Variants in XIRP2 observed in about 807,000 individuals in gnomAD.
XIRP2 encodes xin actin binding repeat containing 2, also known as xin actin-binding repeat-containing protein 2.
XIRP2 carries 236 observed loss-of-function variants against 277.0 expected under a neutral mutation model. The observed-to-expected ratio is 0.85, with a 90% CI of 0.77 to 0.95. The LOEUF (loss-of-function observed/expected upper bound fraction) is 0.95, where lower values mean the gene tolerates loss of function less well. Among genes scored for constraint, XIRP2 ranks in the 40% least tolerant of loss-of-function variants. The probability of loss-of-function intolerance (pLI) is 0.00; values close to 1 mark genes in which losing one functional copy is unlikely to be tolerated. For missense variants in XIRP2, 4,640 were observed against 4,157.5 expected (o/e 1.12, Z -3.19); for synonymous variants, 1,490 against 1,416.5 (o/e 1.05, Z -1.17).
intron 2 of XIRP2, among the ~76,000 whole-genome samples, chr2:167,024,001 T>C (rs1339554582): frequency 6.6e-6 from 1 of 152,182 alleles, no homozygotes; most frequent in African/African-American, 2.4e-5. Flanking sequence ...AGAAAGTCAT[T>C]GGTAGCTTGA....
At chr2:167,093,177 T>C (rs961093077) in intron 2 of XIRP2, among the ~76,000 whole-genome samples, 8 of 151,860 alleles carry the variant, frequency 5.3e-5, no homozygotes, top group Admixed American at 2.0e-4. Context: ...TTAATCAATA[T>C]AATGATAGAA....
intron 10 of XIRP2, among the ~76,000 whole-genome samples, chr2:167,256,089 C>T (rs1166374428): frequency 6.6e-6 from 1 of 151,366 alleles, no homozygotes; most frequent in Non-Finnish European, 1.5e-5. Flanking sequence ...TAGTTCTTGG[C>T]ATTGGTCATT....
chr2:166,974,816 G>A (rs886755897), intron 2 of XIRP2, among the ~76,000 whole-genome samples: 3 of 151,930 alleles, frequency 2.0e-5, no homozygotes, highest in Non-Finnish European at 4.4e-5. Context: ...TATGTAAATG[G>A]ACTAAATATT....
chr2:167,021,760 G>A (rs1421128022), intron 2 of XIRP2, among the ~76,000 whole-genome samples: 4 of 152,058 alleles, frequency 2.6e-5, no homozygotes, highest in Non-Finnish European at 4.4e-5. Flanking sequence ...AAGAGATTGA[G>A]GCTGTGGTGA....
intron 7 of XIRP2, among the ~76,000 whole-genome samples, chr2:167,241,365 AT>A (rs1311954293): frequency 6.6e-6 from 1 of 152,108 alleles, no homozygotes; most frequent in Non-Finnish European, 1.5e-5. Context: ...ACATTTTATT[AT>A]TTTTTCCTGA....
rs772263696 is a variant in XIRP2, at chr2:167,246,907, G to T, written c.5515G>T (p.Gly1839Cys). The T allele has an allele frequency of 6.2e-7, 1 of 1,613,350 alleles. No homozygotes were observed. The highest frequency in any genetic ancestry group is 2.2e-5 in the East Asian group (1 of 44,826). Reference sequence around the variant, plus strand: ...GATACCCAAAGAAGAGATTATAAAAGGTGATTTGACATCAACCCTAAATTC... The same window carrying T: ...GATACCCAAAGAAGAGATTATAAAATGTGATTTGACATCAACCCTAAATTC... ...GKIPKEEIIK[G>C]DLTSTLNSLS... Residue 1839 changes from glycine (G) to cysteine (C), a missense_variant, in exon 9 of 11, where the codon GGT (glycine) becomes TGT (cysteine). Transcript: ENST00000409195.
At chr2:167,091,958 C>T (rs368139962) in intron 2 of XIRP2, among the ~76,000 whole-genome samples, 3 of 152,018 alleles carry the variant, frequency 2.0e-5, no homozygotes, top group African/African-American at 7.3e-5. Flanking sequence ...ATATCAGCAG[C>T]GAACTTGAGG....
chr2:167,202,171 A>G (rs1329736987), intron 3 of XIRP2, among the ~76,000 whole-genome samples: 1 of 152,200 alleles, frequency 6.6e-6, no homozygotes, highest in Non-Finnish European at 1.5e-5. Flanking sequence ...GGCATTTGTA[A>G]TGATTCTAAT....
chr2:167,024,313 G>T (rs1035678422), intron 2 of XIRP2, among the ~76,000 whole-genome samples: 5 of 152,126 alleles, frequency 3.3e-5, no homozygotes, highest in Admixed American at 6.6e-5. Context: ...TATATCCTGA[G>T]ACTTTGCTGA....
intron 2 of XIRP2, among the ~76,000 whole-genome samples, chr2:167,017,369 G>C (rs936149913): frequency 3.3e-5 from 5 of 151,926 alleles, no homozygotes; most frequent in African/African-American, 1.2e-4. Flanking sequence ...GGTCCAAGTA[G>C]ATCACATGGG....
At chr2:167,192,702 A>G (rs184438190) in intron 3 of XIRP2, among the ~76,000 whole-genome samples, 89 of 152,302 alleles carry the variant, frequency 5.8e-4, no homozygotes, top group African/African-American at 2.0e-3. Flanking sequence ...TGCGGCATCC[A>G]GAGCTATTTT....
chr2:167,109,200 A>T (rs1193504542), intron 2 of XIRP2, among the ~76,000 whole-genome samples: 1 of 152,152 alleles, frequency 6.6e-6, no homozygotes, highest in Non-Finnish European at 1.5e-5. Flanking sequence ...AATCTTAAAA[A>T]TATTAAATAA....
chr2:166,963,830 G>T (rs1574119568), intron 2 of XIRP2, among the ~76,000 whole-genome samples: 1 of 151,764 alleles, frequency 6.6e-6, no homozygotes, highest in Non-Finnish European at 1.5e-5. Context: ...TTTTTAAATC[G>T]ATGGAAAGCC....
intron 3 of XIRP2, among the ~76,000 whole-genome samples, chr2:167,186,981 C>G (rs575840222): frequency 8.5e-4 from 130 of 152,188 alleles, no homozygotes; most frequent in African/African-American, 2.8e-3. Context: ...AATTATTGCA[C>G]CAGAATAAAT....
intron 3 of XIRP2, among the ~76,000 whole-genome samples, chr2:167,168,100 A>G (rs1692578440): frequency 6.6e-6 from 1 of 152,120 alleles, no homozygotes; most frequent in South Asian, 2.1e-4. Flanking sequence ...TATAATTCTT[A>G]TCTATGCTAT....
chr2:166,950,287 T>C (rs1165534399), intron 2 of XIRP2, among the ~76,000 whole-genome samples: 1 of 152,092 alleles, frequency 6.6e-6, no homozygotes, highest in Non-Finnish European at 1.5e-5. Context: ...AGAATCTTCA[T>C]AGAATCTCAA....
intron 2 of XIRP2, among the ~76,000 whole-genome samples, chr2:167,043,081 T>A (rs1342662079): frequency 1.3e-5 from 2 of 151,956 alleles, no homozygotes; most frequent in Non-Finnish European, 2.9e-5. Flanking sequence ...TTCTGAATGA[T>A]GTCTAGGTAA....
chr2:166,897,346 T>C (rs1252085287), intron 1 of XIRP2, among the ~76,000 whole-genome samples: 1 of 152,058 alleles, frequency 6.6e-6, no homozygotes, highest in East Asian at 1.9e-4. Flanking sequence ...TCAGGGAATA[T>C]GGGAAGAAGG....
chr2:166,995,568 T>C (rs1170613272), intron 2 of XIRP2, among the ~76,000 whole-genome samples: 1 of 152,184 alleles, frequency 6.6e-6, no homozygotes, highest in African/African-American at 2.4e-5. Flanking sequence ...TTTAAAGAGA[T>C]TGAGAAAATG....
Sources: allele counts gnomAD v4.1 joint callset (sites outside exome capture counted in the v4.1 genomes callset), GRCh38; gene constraint gnomAD v4.1.1; transcripts MANE v1.5; gene names NCBI Gene and HGNC (gene_info 2026-07-23, HGNC 2026-07-21).